Variants in MLPH observed in about 807,000 individuals in gnomAD.
MLPH encodes the protein melanophilin.
A neutral mutation model predicts 72.1 loss-of-function variants in MLPH; 51 were observed. The ratio of observed to expected loss-of-function variants is 0.71; its 90% confidence interval spans 0.56 to 0.89. The LOEUF (loss-of-function observed/expected upper bound fraction) is 0.89, where lower values mean the gene tolerates loss of function less well. Ranked by LOEUF, MLPH falls within the 40% of genes least tolerant of loss-of-function variation. The pLI, the probability that MLPH is intolerant of heterozygous loss-of-function variation, is 0.00. For synonymous variants in MLPH, 301 were observed against 310.1 expected (o/e 0.97, Z 0.31); for missense variants, 743 against 759.9 (o/e 0.98, Z 0.26).
chr2:237,507,827 C>G (rs2079808876), intron 2 of MLPH, among the ~76,000 whole-genome samples: 1 of 152,170 alleles, frequency 6.6e-6, no homozygotes, highest in Non-Finnish European at 1.5e-5. Flanking sequence ...AAATATCTGC[C>G]AAGTACCCAA....
chr2:237,540,761 C>T (rs916888857), intron 10 of MLPH, 41 bp from the exon 11 acceptor site: 1 of 1,608,192 alleles, frequency 6.2e-7, no homozygotes, highest in Non-Finnish European at 8.5e-7. Context: ...ACCCCACACT[C>T]CCTCCTGCTG....
At chr2:237,514,693 T>G (rs989081655) in intron 4 of MLPH, among the ~76,000 whole-genome samples, 14 of 152,168 alleles carry the variant, frequency 9.2e-5, no homozygotes, top group Non-Finnish European at 1.6e-4. Flanking sequence ...CCGCTGAGTG[T>G]GTAAAAATAG....
intron 5 of MLPH, among the ~76,000 whole-genome samples, chr2:237,519,013 A>C (rs541339761): frequency 1.3e-5 from 2 of 152,112 alleles, no homozygotes; most frequent in African/African-American, 4.8e-5. Flanking sequence ...TGCCTTTGCA[A>C]CTTTCAGAGA....
chr2:237,507,062 CTTTTTTTTT>C (rs61091364), intron 2 of MLPH, among the ~76,000 whole-genome samples: 1 of 94,544 alleles, frequency 1.1e-5, no homozygotes, highest in Non-Finnish European at 2.0e-5. Flanking sequence ...TTTTTTTTTT[CTTTTTTTTT>C]TTTTTTTTTT....
At chr2:237,547,245 C>T (rs1480466683) in intron 13 of MLPH, among the ~76,000 whole-genome samples, 4 of 152,218 alleles carry the variant, frequency 2.6e-5, no homozygotes, top group Non-Finnish European at 5.9e-5. Context: ...CCAGTGTGCT[C>T]GAAAATGGCA....
Position 237,553,613 on chromosome 2 carries a change from G to A in MLPH, c.*21G>A, listed in dbSNP as rs1197367207. The A allele has an allele frequency of 1.2e-6, 2 of 1,614,226 alleles. No individual in the cohort carries two copies. Among genetic ancestry groups the A allele is most frequent in the Non-Finnish European group, 1.7e-6 (2 of 1,180,042 alleles). On this transcript the variant is annotated 3_prime_UTR_variant, in exon 16 of 16. Coordinates refer to ENST00000264605, the MANE Select transcript of MLPH (RefSeq NM_024101.7). ...CCTAACGGGACAGGACAGAGAGACA[G>A]AGCAGCCCTGCACTGTTTTCCCTCC...
rs2149171900 is a variant in MLPH at position 237,554,661 on chromosome 2, G to C, written c.*1069G>C. ...AATGGCTGCACTGCCTTTGTCAGAG[G>C]GGGTGCTGAGAGGAGTGGCTTCTTT... On this transcript the variant is annotated 3_prime_UTR_variant, in exon 16 of 16. Coordinates refer to ENST00000264605, the MANE Select transcript of MLPH (RefSeq NM_024101.7). The C allele has an allele frequency of 6.6e-6, 1 of 152,348 alleles. No homozygotes were observed. Among genetic ancestry groups the C allele is most frequent in the East Asian group, 1.9e-4 (1 of 5,182 alleles). 9.4% of individuals were successfully genotyped at this position (152,348 alleles called of 1,614,324 possible).
At chr2:237,498,239 T>C (rs1396608400) in intron 2 of MLPH, among the ~76,000 whole-genome samples, 6 of 152,184 alleles carry the variant, frequency 3.9e-5, no homozygotes, top group Non-Finnish European at 8.8e-5. Flanking sequence ...ATGCACCAAT[T>C]ATCAAACCAA....
intron 1 of MLPH, among the ~76,000 whole-genome samples, chr2:237,488,597 C>T (rs963754606): frequency 6.6e-6 from 1 of 152,192 alleles, no homozygotes; most frequent in Non-Finnish European, 1.5e-5. Flanking sequence ...GGCCCTCACT[C>T]AGGCTCTAAG....
At chr2:237,497,314 T>A (rs938745179) in intron 2 of MLPH, among the ~76,000 whole-genome samples, 3 of 152,174 alleles carry the variant, frequency 2.0e-5, no homozygotes, top group Non-Finnish European at 4.4e-5. Flanking sequence ...ATGTAAACAG[T>A]GTGGTGGCAG....
chr2:237,509,442 C>T (rs2079844344), intron 2 of MLPH, among the ~76,000 whole-genome samples: 1 of 152,190 alleles, frequency 6.6e-6, no homozygotes, highest in Admixed American at 6.5e-5. Flanking sequence ...AAGGGGTGGC[C>T]TCCAGGTTTT....
At chr2:237,537,219 T>G (rs892686739) in intron 9 of MLPH, among the ~76,000 whole-genome samples, 6 of 149,022 alleles carry the variant, frequency 4.0e-5, no homozygotes, top group African/African-American at 1.5e-4. Flanking sequence ...CACACACGTA[T>G]GTTGTCATGT....
At chr2:237,514,288 G>A (rs1157444397) in intron 4 of MLPH, among the ~76,000 whole-genome samples, 1 of 151,896 alleles carries the variant, frequency 6.6e-6, no homozygotes, top group Admixed American at 6.6e-5. Context: ...TTTTAGAGAT[G>A]GGTTCTCACT....
chr2:237,536,613 G>A (rs775234658), intron 9 of MLPH, among the ~76,000 whole-genome samples: 4 of 152,062 alleles, frequency 2.6e-5, no homozygotes, highest in Non-Finnish European at 5.9e-5. Context: ...GCGCCCCATC[G>A]GACCCCATGT....
chr2:237,518,476 T>A, intron 4 of MLPH, 63 bp from the exon 5 acceptor site: 1 of 1,369,552 alleles, frequency 7.3e-7, no homozygotes, highest in African/African-American at 1.4e-5. Flanking sequence ...GTGGATGGGC[T>A]GACAAATGGC....
At chr2:237,498,603 C>A (rs2079584036) in intron 2 of MLPH, among the ~76,000 whole-genome samples, 1 of 152,244 alleles carries the variant, frequency 6.6e-6, no homozygotes, top group Admixed American at 6.5e-5. Flanking sequence ...CGGTGACGCA[C>A]ACGCCTGACA....
At position 237,552,454 on chromosome 2, in the gene MLPH, T is replaced by C. The variant is rs761271298; in HGVS notation, c.1776+17T>C. 1 of 1,608,184 alleles carries C rather than the reference T, an allele frequency of 6.2e-7. No homozygotes were observed. Among genetic ancestry groups the C allele is most frequent in the African/African-American group, 1.3e-5 (1 of 74,792 alleles). On this transcript the variant is annotated intron_variant, in intron 15 of 15. Coordinates refer to ENST00000264605, the MANE Select transcript of MLPH (RefSeq NM_024101.7). Reference sequence around the variant, plus strand: ...ACCTTCGCGGTAAAGTTTTCTCTCATTCTCTGAGGAGTTTTTAAAGTTCAG... The same window carrying C: ...ACCTTCGCGGTAAAGTTTTCTCTCACTCTCTGAGGAGTTTTTAAAGTTCAG...
In MLPH at chr2:237,510,354, A is replaced by G; in HGVS notation, c.111-220A>G. On this transcript the variant is annotated intron_variant, in intron 2 of 15. Coordinates refer to ENST00000264605, the MANE Select transcript of MLPH (RefSeq NM_024101.7). The surrounding 1 kb of genome is among the most constrained non-coding windows in gnomAD (Gnocchi z 4.4). ...TATGAAATTAACGTGTTTCCATTCC[A>G]TTCCAGCCACCAAAATTGCCCGTTT... is the stretch of plus-strand genomic sequence containing the variant. The G allele has an allele frequency of 1.6e-6, 1 of 621,542 alleles. No homozygotes were observed. Among genetic ancestry groups the G allele is most frequent in the Admixed American group, 2.7e-5 (1 of 37,004 alleles). The allele number at this position is 621,542 out of a possible 1,614,324, so 38.5% of individuals were successfully genotyped here.
intron 12 of MLPH, chr2:237,545,579 C>A (rs11897812): frequency 1.6e-6 from 2 of 1,287,788 alleles, no homozygotes; most frequent in Admixed American, 2.3e-5. Context: ...CTTAGTCCGC[C>A]GCCACGTGAA....
Sources: gnomAD v4.1 joint callset for allele counts (sites outside exome capture counted in the v4.1 genomes callset) on GRCh38, gnomAD v4.1.1 for gene constraint, Gnocchi (gnomAD v3.1) non-coding constraint, MANE v1.5 for transcripts, NCBI Gene and HGNC (gene_info 2026-07-23, HGNC 2026-07-21) for gene names.